SFT2D1: variants seen among roughly 807,000 people sequenced by gnomAD.
SFT2D1 encodes the protein SFT2 domain containing 1.
A neutral mutation model predicts 28.1 loss-of-function variants in SFT2D1; 24 were observed. The ratio of observed to expected loss-of-function variants is 0.85; its 90% CI spans 0.62 to 1.20. The LOEUF (loss-of-function observed/expected upper bound fraction) is 1.20. Among genes scored for constraint, SFT2D1 ranks in the 50% most tolerant of loss-of-function variants. SFT2D1 has a pLI of 0.00. For missense variants in SFT2D1, 181 were observed against 190.9 expected, an observed-to-expected ratio of 0.95 and a Z score of 0.31; for synonymous variants, 82 against 73.7, an observed-to-expected ratio of 1.11 and a Z score of -0.58.
chr6:166,330,098 T>A, intron 2 of SFT2D1, 63 bp downstream of exon 2: 1 of 1,294,226 alleles, frequency 7.7e-7, no homozygotes, highest in Non-Finnish European at 1.0e-6. Context: ...TTTTTGGTAC[T>A]AAATGGAATT....
intron 3 of SFT2D1, 34 bp from the exon 4 acceptor site, chr6:166,328,391 G>A (rs1392256011): frequency 2.4e-6 from 3 of 1,247,768 alleles, no homozygotes; most frequent in Non-Finnish European, 2.2e-6. Flanking sequence ...TGAGGTACAG[G>A]TCTACTAATT....
At chr6:166,339,385 C>A (rs1006895655) in intron 1 of SFT2D1, among the ~76,000 whole-genome samples, 7 of 152,164 alleles carry the variant, frequency 4.6e-5, no homozygotes, top group African/African-American at 7.2e-5. Flanking sequence ...CTTGCCTGCA[C>A]CATAATTTTC....
chr6:166,330,204 C>G lies in SFT2D1; in HGVS notation c.107G>C (p.Trp36Ser). Residue 36 changes from tryptophan to serine, a missense_variant, in exon 2 of 8, where the codon TGG becomes TCG. Trp to Ser is a radical substitution (Grantham distance 177). Coordinates refer to ENST00000361731, the MANE Select transcript of SFT2D1 (RefSeq NM_145169.3). ...SSLSFNTRLKWFAICFVCGVF... is the reference protein window; with the variant it reads ...SSLSFNTRLKSFAICFVCGVF... ...GCCACATACGAAGCAGATGGCAAAC[C>G]ATTTCAATCTGGTGTTGAAACTAAG... is the stretch of plus-strand genomic sequence containing the variant. The G allele has an allele frequency of 6.2e-7, 1 of 1,606,332 alleles. No individual in the cohort carries two copies. The highest frequency in any genetic ancestry group is 8.5e-7 in the Non-Finnish European group (1 of 1,177,570).
chr6:166,322,899 T>C lies in SFT2D1; in HGVS notation c.411-13A>G. On this transcript the variant is annotated splice_polypyrimidine_tract_variant and intron_variant, in intron 6 of 7. Coordinates refer to ENST00000361731, the MANE Select transcript of SFT2D1 (RefSeq NM_145169.3). ...CGACAGGCTATACCTGCAAGAAATA[T>C]TCAAGCATGTTGAATCTTCATCTGA... The C allele has an allele frequency of 2.5e-6, 4 of 1,609,260 alleles. No homozygotes were observed. Among genetic ancestry groups the C allele is most frequent in the Non-Finnish European group, 3.4e-6 (4 of 1,176,334 alleles).
intron 1 of SFT2D1, among the ~76,000 whole-genome samples, chr6:166,330,808 C>T (rs545446802): frequency 6.6e-6 from 1 of 152,338 alleles, no homozygotes; most frequent in East Asian, 1.9e-4. Context: ...TGGCTGCAGG[C>T]CAGGGGTGGG....
chr6:166,328,925 C>G (rs1778500348), intron 3 of SFT2D1, among the ~76,000 whole-genome samples: 1 of 152,240 alleles, frequency 6.6e-6, no homozygotes, highest in Non-Finnish European at 1.5e-5. Context: ...CCCTCTGTCA[C>G]TACTGCCACA....
In SFT2D1 at chr6:166,324,600, C is replaced by T. The variant is rs141350643; in HGVS notation, c.352-5G>A. On this transcript the variant is annotated splice_polypyrimidine_tract_variant and splice_region_variant and intron_variant, in intron 5 of 7. Transcript: ENST00000361731. ...AGCCAGTCCCTTCTTATGCCACTAA[C>T]AACAGCAAAAACAGAGCAATTATGA... 6.6e-5 allele frequency: 106 copies of T among 1,611,166 alleles called. 1 individual carries two copies. The highest frequency in any genetic ancestry group is 8.8e-5 in the Non-Finnish European group (104 of 1,179,332).
intron 1 of SFT2D1, chr6:166,335,181 T>C (rs1242144767): frequency 3.2e-6 from 2 of 620,836 alleles, no homozygotes; most frequent in Non-Finnish European, 6.0e-6. Context: ...GAAACTTTGG[T>C]GGTGGTTGTG....
In SFT2D1 at chr6:166,320,257, C is replaced by T. The variant is rs770834803; in HGVS notation, c.441-1G>A. 9.9e-6 allele frequency: 16 copies of T among 1,609,798 alleles called. No homozygotes were observed. In the East Asian group the frequency reaches 3.1e-4, roughly 32 times the overall value. On this transcript the variant is annotated splice_acceptor_variant, in intron 7 of 7. Coordinates refer to ENST00000361731, the MANE Select transcript of SFT2D1 (RefSeq NM_145169.3). LOFTEE classifies it high-confidence loss of function. The stretch of plus-strand genomic sequence containing the variant: ...AGAACAGCATTTAATAACTGCATCC[C>T]TGGTGGAAAAGAGAGGGAAAAAAAC...
intron 6 of SFT2D1, chr6:166,323,549 A>C (rs1778393418): frequency 6.6e-6 from 1 of 152,300 alleles, no homozygotes; most frequent in African/African-American, 2.4e-5. Context: ...AGAGCGCAGG[A>C]GCTGCAGGGC....
intron 1 of SFT2D1, among the ~76,000 whole-genome samples, chr6:166,332,508 G>C (rs2114905123): frequency 6.6e-6 from 1 of 152,240 alleles, no homozygotes; most frequent in Admixed American, 6.5e-5. Context: ...ACCCGCCTCG[G>C]TCTCCCAAAG....
chr6:166,327,668 A>C (rs1778472687), intron 4 of SFT2D1, among the ~76,000 whole-genome samples: 2 of 152,262 alleles, frequency 1.3e-5, no homozygotes, highest in South Asian at 4.1e-4. Context: ...TTAAAAATGA[A>C]AGCACACTCA....
At chr6:166,322,001 A>G (rs1778366032) in intron 7 of SFT2D1, among the ~76,000 whole-genome samples, 2 of 152,156 alleles carry the variant, frequency 1.3e-5, no homozygotes, top group South Asian at 2.1e-4. Flanking sequence ...CTCCCACCTC[A>G]GCCTCCCAAG....
chr6:166,322,182 C>T (rs1048886587), intron 7 of SFT2D1, among the ~76,000 whole-genome samples: 2 of 152,110 alleles, frequency 1.3e-5, no homozygotes, highest in Non-Finnish European at 1.5e-5. Context: ...CGCACCCAGC[C>T]GTAACTTCCT....
At chr6:166,329,434 C>T (rs1778509159) in intron 3 of SFT2D1, 73 bp downstream of exon 3, 6 of 1,283,474 alleles carry the variant, frequency 4.7e-6, no homozygotes, top group East Asian at 2.3e-5. Context: ...AAACATCCTA[C>T]TGGGAAAGTG....
chr6:166,336,918 C>G (rs1778666530), intron 1 of SFT2D1, among the ~76,000 whole-genome samples: 2 of 152,186 alleles, frequency 1.3e-5, no homozygotes, highest in Non-Finnish European at 2.9e-5. Context: ...AATCACATCC[C>G]AAAGGCACCT....
At chr6:166,321,661 TATAAC>T (rs1169841771) in intron 7 of SFT2D1, among the ~76,000 whole-genome samples, 1 of 152,240 alleles carries the variant, frequency 6.6e-6, no homozygotes, top group African/African-American at 2.4e-5. Context: ...TTTTTAAATA[TATAAC>T]ATATCTTTGA....
At chr6:166,327,885 C>T (rs1434072394) in intron 4 of SFT2D1, among the ~76,000 whole-genome samples, 1 of 152,126 alleles carries the variant, frequency 6.6e-6, no homozygotes, top group African/African-American at 2.4e-5. Context: ...ACTGCAACCT[C>T]CACCTCCCAG....
intron 1 of SFT2D1, among the ~76,000 whole-genome samples, chr6:166,337,427 C>T (rs1405339939): frequency 6.6e-6 from 1 of 152,156 alleles, no homozygotes; most frequent in Non-Finnish European, 1.5e-5. Context: ...TTGGCACTCC[C>T]TCCTGCTTAC....
Sources: allele counts gnomAD v4.1 joint callset (sites outside exome capture counted in the v4.1 genomes callset), GRCh38; gene constraint gnomAD v4.1.1; transcripts MANE v1.5; gene names NCBI Gene and HGNC (gene_info 2026-07-23, HGNC 2026-07-21).